Variants in CPEB1 observed in about 807,000 individuals in gnomAD.
The protein encoded by CPEB1 is cytoplasmic polyadenylation element-binding protein 1.
A neutral mutation model predicts 65.8 loss-of-function variants in CPEB1; 7 were observed. The observed-to-expected ratio is 0.11, with a 90% CI of 0.06 to 0.20. CPEB1 has a LOEUF of 0.20. CPEB1 is among the 10% of genes least tolerant of loss of function. The pLI is 1.00. For missense variants in CPEB1, 551 were observed against 712.2 expected (o/e 0.77, Z 2.58); for synonymous variants, 262 against 260.0 (o/e 1.01, Z -0.08).
At chr15:82,562,660 T>TA (rs1252518987) in intron 4 of CPEB1, among the ~76,000 whole-genome samples, 2 of 151,944 alleles carry the variant, frequency 1.3e-5, no homozygotes, top group Admixed American at 6.6e-5. Context: ...GACAACATAG[T>TA]AAGGCCTGTC....
intron 3 of CPEB1, among the ~76,000 whole-genome samples, chr15:82,606,808 A>T (rs1814222073): frequency 2.4e-5 from 1 of 41,978 alleles, no homozygotes; most frequent in Non-Finnish European, 4.5e-5. Flanking sequence ...ACAGAGCGAG[A>T]CTCCGTCTCA....
chr15:82,571,621 T>C, intron 3 of CPEB1, 89 bp from the exon 4 acceptor site: 1 of 1,494,760 alleles, frequency 6.7e-7, no homozygotes. Flanking sequence ...AATAATAGTT[T>C]CCCCAGGCTC....
Position 82,549,470 on chromosome 15 carries a change from C to T in CPEB1, c.1470G>A (p.Lys490=), listed in dbSNP as rs2035866474. ...VYAGIDTDKH[K]YPIGSGRVTF... Reference sequence around the variant, plus strand: ...AAGTGGGACACTTACCAATGGGATACTTGTGCTTATCTGTGTCAATCCCGG... The same window carrying T: ...AAGTGGGACACTTACCAATGGGATATTTGTGCTTATCTGTGTCAATCCCGG... The change falls in exon 10 of 13, where the codon AAG becomes AAA. Residue 490 remains lysine, a synonymous_variant. Transcript: ENST00000684509. 6.2e-7 allele frequency: 1 copy of T among 1,614,226 alleles called. No individual in the cohort carries two copies.
In CPEB1 at chr15:82,607,357, G is replaced by A. The variant is rs2043718204; in HGVS notation, c.271+19836C>T. ...AATCCCAGCATTTTGGGAGGCTGAG[G>A]CAGGTGGATCACCTGAGGTCAGGAG... On this transcript the variant is annotated intron_variant, in intron 3 of 12. Transcript: ENST00000684509. Among the ~76,000 whole-genome samples, 5 of 152,310 alleles carry A rather than the reference G, an allele frequency of 3.3e-5. No homozygotes were observed. The South Asian group carries it at 1.0e-3, about 32-fold the overall frequency.
chr15:82,609,694 T>A lies in CPEB1; in HGVS notation c.271+17499A>T, dbSNP rs546670625. 2.0e-5 allele frequency among the ~76,000 whole-genome samples: 3 copies of A among 150,194 alleles called. No individual in the cohort carries two copies. In the South Asian group the frequency reaches 6.3e-4, roughly 31 times the overall value. On this transcript the variant is annotated intron_variant, in intron 3 of 12. Transcript: ENST00000684509. The stretch of plus-strand genomic sequence containing the variant: ...AAAACATCTGCAAAACTGATAAACC[T>A]TGAGCTAGATTAACCAAGAAGAAAT...
At chr15:82,567,276 T>C (rs2039290433) in intron 4 of CPEB1, among the ~76,000 whole-genome samples, 1 of 152,074 alleles carries the variant, frequency 6.6e-6, no homozygotes, top group African/African-American at 2.4e-5. Context: ...AGCCTGCAGA[T>C]CAATGGGGAG....
At chr15:82,635,442 A>C (rs11858206) in intron 1 of CPEB1, among the ~76,000 whole-genome samples, 3,379 of 152,286 alleles carry the variant, frequency 0.022, 111 homozygotes, top group African/African-American at 0.077. Context: ...GTTTGCTGAG[A>C]GATGCTTCTC....
chr15:82,633,030 C>T (rs186454112), intron 1 of CPEB1: 2 of 152,164 alleles, frequency 1.3e-5, no homozygotes, highest in Non-Finnish European at 2.9e-5. Flanking sequence ...CTACTATTGC[C>T]TGACAGTTCC....
intron 4 of CPEB1, among the ~76,000 whole-genome samples, chr15:82,566,334 T>A (rs775567414): frequency 6.6e-6 from 1 of 152,212 alleles, no homozygotes; most frequent in Non-Finnish European, 1.5e-5. Context: ...CAGGAGCCAT[T>A]ATTTCTAGCC....
Position 82,593,984 on chromosome 15 carries a change from T to C in CPEB1, c.272-22452A>G, listed in dbSNP as rs375422400. ...GCTGTCATGACTTTATTGTTCCATT[T>C]ATAGAGCACAGGCAGAGTAGATTTA... is the stretch of plus-strand genomic sequence containing the variant. On this transcript the variant is annotated intron_variant, in intron 3 of 12. Coordinates refer to ENST00000684509, the MANE Select transcript of CPEB1 (RefSeq NM_001365242.1). 4.1e-4 allele frequency among the ~76,000 whole-genome samples: 63 copies of C among 152,348 alleles called. No homozygotes were observed. The East Asian group carries it at 5.0e-3, about 12-fold the overall frequency.
chr15:82,648,004 C>A (rs1046624246), upstream of CPEB1: 1,335 of 665,132 alleles, frequency 2.0e-3, 3 homozygotes, highest in Non-Finnish European at 2.5e-3. Flanking sequence ...GAAGCTCCTA[C>A]GAGCCGCTCC....
At chr15:82,588,509 CTTCA>C (rs769853133) in intron 3 of CPEB1, among the ~76,000 whole-genome samples, 15 of 152,084 alleles carry the variant, frequency 9.9e-5, no homozygotes, top group Non-Finnish European at 1.8e-4. Context: ...AAGAAATCAG[CTTCA>C]TTATTTTATG....
intron 3 of CPEB1, among the ~76,000 whole-genome samples, chr15:82,626,943 T>C (rs2045830445): frequency 6.6e-6 from 1 of 152,250 alleles, no homozygotes; most frequent in African/African-American, 2.4e-5. Flanking sequence ...TAAATACTTG[T>C]GTAATCTGTG....
At chr15:82,619,949 G>T (rs1390086234) in intron 3 of CPEB1, among the ~76,000 whole-genome samples, 1 of 152,072 alleles carries the variant, frequency 6.6e-6, no homozygotes, top group East Asian at 1.9e-4. Flanking sequence ...TTCACCAAAA[G>T]ATAATAGCAG....
intron 3 of CPEB1, among the ~76,000 whole-genome samples, chr15:82,576,696 A>C (rs2040686668): frequency 6.6e-6 from 1 of 152,198 alleles, no homozygotes; most frequent in Non-Finnish European, 1.5e-5. Flanking sequence ...TGAAAAAATG[A>C]AAGTCTGACT....
At chr15:82,598,385 T>C (rs893838356) in intron 3 of CPEB1, among the ~76,000 whole-genome samples, 1 of 151,836 alleles carries the variant, frequency 6.6e-6, no homozygotes, top group Non-Finnish European at 1.5e-5. Context: ...TCCCAGCTAC[T>C]AGGGAGGCTG....
chr15:82,609,466 A>G (rs1343473048), intron 3 of CPEB1, among the ~76,000 whole-genome samples: 1 of 151,912 alleles, frequency 6.6e-6, no homozygotes, highest in African/African-American at 2.4e-5. Flanking sequence ...ACGCCACTGC[A>G]CTCCAGCCTG....
In CPEB1 at chr15:82,606,660, T is replaced by A. The variant is rs566729133; in HGVS notation, c.271+20533A>T. Among the ~76,000 whole-genome samples, 626 of 94,776 alleles carry A rather than the reference T, an allele frequency of 6.6e-3. 153 individuals are homozygous for A. The highest frequency in any genetic ancestry group is 7.2e-3 in the Non-Finnish European group (349 of 48,226). The allele number at this position is 94,776 out of a possible 152,430, so 62.2% of individuals were successfully genotyped here. On this transcript the variant is annotated intron_variant, in intron 3 of 12. Transcript: ENST00000684509. ...GGTGAAACCCCGTCTCTACTAAAAA[T>A]ACAAAAAATTAGCCGGGCGTAGTGG...
rs1488057426 is a variant in CPEB1 at position 82,554,920 on chromosome 15, A to ACCTGTTTT, written c.941-930_941-929insAAAACAGG. On this transcript the variant is annotated intron_variant, in intron 6 of 12. Coordinates refer to ENST00000684509, the MANE Select transcript of CPEB1 (RefSeq NM_001365242.1). ...TGTCATTTCACAGGAAAACAATGGCACCAGAGAAAGTACAAAGATGGGTTG... is the reference window on the plus strand; with the variant it reads ...TGTCATTTCACAGGAAAACAATGGCACCTGTTTTCCAGAGAAAGTACAAAGATGGGTTG... Among the ~76,000 whole-genome samples, 3 of 152,258 alleles carry ACCTGTTTT rather than the reference A, an allele frequency of 2.0e-5. No individual in the cohort carries two copies. The East Asian group carries it at 5.8e-4, about 29-fold the overall frequency.
Sources: gnomAD v4.1 joint callset for allele counts (sites outside exome capture counted in the v4.1 genomes callset) on GRCh38, gnomAD v4.1.1 for gene constraint, MANE v1.5 for transcripts, NCBI Gene and HGNC (gene_info 2026-07-23, HGNC 2026-07-21) for gene names.